GPHN: variants seen among roughly 807,000 people sequenced by gnomAD.
GPHN encodes gephyrin.
A neutral mutation model predicts 95.5 loss-of-function variants in GPHN; 17 were observed. That is an observed-to-expected ratio of 0.18 (90% CI 0.12 to 0.27). The LOEUF is 0.27. GPHN is among the 10% of genes least tolerant of loss of function. GPHN has a pLI of 1.00. For synonymous variants in GPHN, 320 were observed against 322.5 expected, an observed-to-expected ratio of 0.99 and a Z score of 0.08; for missense variants, 660 against 978.1, an observed-to-expected ratio of 0.67 and a Z score of 4.34.
chr14:67,411,917 C>T, the GPHN span: 2 of 1,113,168 alleles, frequency 1.8e-6, no homozygotes, highest in Non-Finnish European at 2.5e-6. Flanking sequence ...GGATGGGAAC[C>T]AGAGCATGCC....
the GPHN span, among the ~76,000 whole-genome samples, chr14:67,437,294 C>T: frequency 1.3e-5 from 2 of 152,036 alleles, no homozygotes; most frequent in Non-Finnish European, 2.9e-5. Flanking sequence ...AGCAAAGTCA[C>T]AAAATGATGT....
At chr14:67,478,932 T>G in the GPHN span, among the ~76,000 whole-genome samples, 158 of 152,324 alleles carry the variant, frequency 1.0e-3, 1 homozygote, top group African/African-American at 3.7e-3. Context: ...GATTCAAAAC[T>G]GAATATTCAA....
At chr14:67,066,361 T>G (rs947821943) in intron 11 of GPHN, among the ~76,000 whole-genome samples, 5 of 152,168 alleles carry the variant, frequency 3.3e-5, no homozygotes, top group African/African-American at 1.2e-4. Context: ...GCCCTTAACA[T>G]TTTTTCCTTC....
chr14:67,390,572 G>T, the GPHN span: 1 of 905,734 alleles, frequency 1.1e-6, no homozygotes, highest in Non-Finnish European at 1.8e-6. Flanking sequence ...GGGGAAGGCA[G>T]GATATCCAGC....
intron 9 of GPHN, among the ~76,000 whole-genome samples, chr14:66,971,847 T>C (rs1002024283): frequency 2.0e-5 from 3 of 147,692 alleles, no homozygotes; most frequent in South Asian, 2.1e-4. Context: ...TATTTTGTTA[T>C]ATTATATCAA....
At chr14:66,960,154 T>G (rs1373217363) in intron 8 of GPHN, among the ~76,000 whole-genome samples, 1 of 151,984 alleles carries the variant, frequency 6.6e-6, no homozygotes, top group Non-Finnish European at 1.5e-5. Context: ...CTTTAGTTCT[T>G]TGTTTATAGT....
chr14:67,455,660 T>A, the GPHN span, among the ~76,000 whole-genome samples: 1 of 152,218 alleles, frequency 6.6e-6, no homozygotes, highest in Non-Finnish European at 1.5e-5. Flanking sequence ...TGCTTCCCTT[T>A]AAAGTCATTT....
At chr14:67,465,958 A>T in the GPHN span, among the ~76,000 whole-genome samples, 1 of 152,138 alleles carries the variant, frequency 6.6e-6, no homozygotes, top group African/African-American at 2.4e-5. Flanking sequence ...CAGAGACTGG[A>T]AGAGGCAAGG....
intron 8 of GPHN, among the ~76,000 whole-genome samples, chr14:66,954,564 A>C (rs2068352121): frequency 6.6e-6 from 1 of 152,194 alleles, no homozygotes; most frequent in South Asian, 2.1e-4. Context: ...ATATAAAACC[A>C]TGTCATCTGT....
chr14:66,711,677 G>A (rs1348172400), intron 2 of GPHN, among the ~76,000 whole-genome samples: 1 of 150,096 alleles, frequency 6.7e-6, no homozygotes, highest in Non-Finnish European at 1.5e-5. Flanking sequence ...CATGTGCCAT[G>A]TTGGTTTGCT....
chr14:67,308,270 C>T, the GPHN span, among the ~76,000 whole-genome samples: 1 of 149,494 alleles, frequency 6.7e-6, no homozygotes, highest in Admixed American at 6.7e-5. Context: ...AGTATAAAAG[C>T]CAACCTAATA....
At chr14:67,179,320 A>G (rs1308018690) in intron 21 of GPHN, among the ~76,000 whole-genome samples, 3 of 152,212 alleles carry the variant, frequency 2.0e-5, no homozygotes, top group Non-Finnish European at 4.4e-5. Flanking sequence ...CAGGAGGTCA[A>G]GGCTGCAGTG....
At chr14:66,616,588 T>C (rs994816419) in intron 1 of GPHN, among the ~76,000 whole-genome samples, 1 of 152,120 alleles carries the variant, frequency 6.6e-6, no homozygotes, top group Non-Finnish European at 1.5e-5. Context: ...GGGTGCCTGC[T>C]CCTTCTTCTG....
At chr14:66,860,409 C>G (rs113973562) in intron 4 of GPHN, among the ~76,000 whole-genome samples, 2 of 151,942 alleles carry the variant, frequency 1.3e-5, no homozygotes, top group African/African-American at 4.8e-5. Context: ...AATAAAGACT[C>G]TCAGACAAAC....
chr14:66,531,038 C>A (rs1290307693), intron 1 of GPHN, among the ~76,000 whole-genome samples: 1 of 149,900 alleles, frequency 6.7e-6, no homozygotes, highest in Admixed American at 6.7e-5. Context: ...TCACTGCAGC[C>A]TCCGCCTCCC....
At chr14:67,449,989 G>C in the GPHN span, 1 of 152,954 alleles carries the variant, frequency 6.5e-6, no homozygotes, top group South Asian at 2.1e-4. Flanking sequence ...TTGAACCCGG[G>C]AGGCAGAGGT....
the GPHN span, among the ~76,000 whole-genome samples, chr14:67,536,909 A>G: frequency 6.6e-6 from 1 of 151,608 alleles, no homozygotes; most frequent in Non-Finnish European, 1.5e-5. Flanking sequence ...GTGTGGTGGC[A>G]TCCGCCTGTA....
At chr14:66,991,811 G>A (rs549556245) in intron 9 of GPHN, among the ~76,000 whole-genome samples, 119 of 149,622 alleles carry the variant, frequency 8.0e-4, no homozygotes, top group African/African-American at 2.8e-3. Context: ...AGTGGAGGTT[G>A]CAGTGAGCCA....
the GPHN span, among the ~76,000 whole-genome samples, chr14:67,310,037 TTATTGA>T: frequency 1.6e-5 from 2 of 128,760 alleles, no homozygotes; most frequent in African/African-American, 8.1e-5. Flanking sequence ...TCTAGAAGTA[TTATTGA>T]TAGGATGGTG....
Sources: allele counts gnomAD v4.1 joint callset (sites outside exome capture counted in the v4.1 genomes callset), GRCh38; gene constraint gnomAD v4.1.1; transcripts MANE v1.5; gene names NCBI Gene and HGNC (gene_info 2026-07-23, HGNC 2026-07-21).